The following MALRD1 variants were observed in gnomAD, a reference collection of about 807,000 sequenced individuals.
The protein encoded by MALRD1 is MAM and LDL receptor class A domain containing 1, also known as MAM and LDL-receptor class A domain-containing protein 1.
A neutral mutation model predicts 242.1 loss-of-function variants in MALRD1; 247 were observed. The ratio of observed to expected loss-of-function variants is 1.02; its 90% confidence interval spans 0.92 to 1.13. The LOEUF is 1.13. Among genes scored for constraint, MALRD1 ranks in the 50% most tolerant of loss-of-function variants. The pLI, the probability that MALRD1 is intolerant of heterozygous loss-of-function variation, is 0.00. For missense variants in MALRD1, 2,989 were observed against 2,533.1 expected, an observed-to-expected ratio of 1.18 and a Z score of -3.86; for synonymous variants, 995 against 866.6, an observed-to-expected ratio of 1.15 and a Z score of -2.60.
chr10:19,633,594 CCAAATAG>C (rs1456858970), intron 36 of MALRD1: 1 of 152,036 alleles, frequency 6.6e-6, no homozygotes, highest in African/African-American at 2.4e-5. Flanking sequence ...AAAGATTTCC[CCAAATAG>C]TTTTGTCAGA....
Position 19,446,732 on chromosome 10 carries a change from A to G in MALRD1, c.4846-3575A>G, listed in dbSNP as rs1330162193. ...TTTGGAAAAAGGTTAAATTATGAGA[A>G]GAAAATAATTCTTCAATATCTCTAA... On this transcript the variant is annotated intron_variant, in intron 28 of 39. Coordinates refer to ENST00000454679, the MANE Select transcript of MALRD1 (RefSeq NM_001142308.3). Among the ~76,000 whole-genome samples, 3 of 152,340 alleles carry G rather than the reference A, an allele frequency of 2.0e-5. No individual in the cohort carries two copies. In the East Asian group the frequency reaches 5.8e-4, roughly 29 times the overall value.
intron 2 of MALRD1, among the ~76,000 whole-genome samples, chr10:19,080,598 A>C (rs1472090301): frequency 6.6e-6 from 1 of 151,984 alleles, no homozygotes; most frequent in East Asian, 1.9e-4. Flanking sequence ...CCTTCCTTAC[A>C]CCTTATACAA....
chr10:19,727,771 T>A (rs1193659947), intron 38 of MALRD1, among the ~76,000 whole-genome samples: 2 of 151,574 alleles, frequency 1.3e-5, no homozygotes, highest in Non-Finnish European at 2.9e-5. Context: ...ACATTGCATT[T>A]TTTTTTTTTT....
chr10:19,459,305 C>G (rs1012476662), intron 29 of MALRD1, among the ~76,000 whole-genome samples: 1 of 152,148 alleles, frequency 6.6e-6, no homozygotes, highest in Non-Finnish European at 1.5e-5. Flanking sequence ...ATAAAGTTGA[C>G]ACTAAACAAA....
intron 39 of MALRD1, 36 bp from the exon 40 acceptor site, chr10:19,734,119 TAA>T: frequency 6.7e-7 from 1 of 1,484,274 alleles, no homozygotes; most frequent in Non-Finnish European, 9.0e-7. Context: ...TCTTAATGCC[TAA>T]AATTCCACCC....
chr10:19,117,651 G>C (rs1169901612), intron 5 of MALRD1, among the ~76,000 whole-genome samples: 2 of 152,096 alleles, frequency 1.3e-5, no homozygotes, highest in Non-Finnish European at 2.9e-5. Flanking sequence ...CATTCCCTTA[G>C]TTGCATATGC....
intron 1 of MALRD1, chr10:19,051,821 C>T (rs1252453180): frequency 1.3e-5 from 2 of 151,712 alleles, no homozygotes; most frequent in African/African-American, 5.1e-5. Flanking sequence ...ACTTGGGAGG[C>T]TGAGGCAGGA....
intron 28 of MALRD1, among the ~76,000 whole-genome samples, chr10:19,413,228 CTAAA>C (rs1404367211): frequency 6.6e-6 from 1 of 152,080 alleles, no homozygotes; most frequent in Non-Finnish European, 1.5e-5. Context: ...CGAAAAACTA[CTAAA>C]TAGTTTTGAG....
At chr10:19,701,171 T>A (rs956837345) in intron 38 of MALRD1, among the ~76,000 whole-genome samples, 4 of 151,726 alleles carry the variant, frequency 2.6e-5, no homozygotes, top group African/African-American at 9.7e-5. Flanking sequence ...ATAAAATAAA[T>A]TAAAAAGAGA....
chr10:19,188,555 T>A (rs1443001214), intron 14 of MALRD1, among the ~76,000 whole-genome samples: 1 of 152,194 alleles, frequency 6.6e-6, no homozygotes, highest in Non-Finnish European at 1.5e-5. Context: ...GTGATCTTTT[T>A]TTGTCTGTGT....
intron 36 of MALRD1, among the ~76,000 whole-genome samples, chr10:19,652,080 C>T (rs1840921344): frequency 6.6e-6 from 1 of 152,092 alleles, no homozygotes. Context: ...CCAACAGGGC[C>T]AGCGAGGGTG....
intron 36 of MALRD1, among the ~76,000 whole-genome samples, chr10:19,636,540 A>T (rs1451880665): frequency 1.3e-5 from 2 of 152,162 alleles, no homozygotes; most frequent in African/African-American, 4.8e-5. Context: ...CCTCAAAATA[A>T]ATATGTATAG....
chr10:19,597,628 T>C (rs1448462650), intron 34 of MALRD1, among the ~76,000 whole-genome samples: 1 of 152,176 alleles, frequency 6.6e-6, no homozygotes, highest in Admixed American at 6.6e-5. Context: ...TGATGCCACA[T>C]ATTATGTTAC....
In MALRD1 at chr10:19,507,110, A is replaced by G. The variant is rs535074343; in HGVS notation, c.5320+8464A>G. Among the ~76,000 whole-genome samples, 318 of 152,178 alleles carry G rather than the reference A, an allele frequency of 2.1e-3. 2 individuals carry two copies. Among genetic ancestry groups the G allele is most frequent in the African/African-American group, 6.3e-3 (261 of 41,524 alleles). ...AGGTGCCACACACTTTTAACTGACC[A>G]GGTCTCCAGAGAACTCACTCTCACA... On this transcript the variant is annotated intron_variant, in intron 31 of 39. Transcript: ENST00000454679.
At chr10:19,402,883 A>G (rs1846930829) in intron 28 of MALRD1, among the ~76,000 whole-genome samples, 1 of 152,130 alleles carries the variant, frequency 6.6e-6, no homozygotes, top group South Asian at 2.1e-4. Flanking sequence ...CTAGATCCAG[A>G]TTGAATATTT....
At chr10:19,593,720 T>C (rs1338773543) in intron 33 of MALRD1, among the ~76,000 whole-genome samples, 4 of 152,218 alleles carry the variant, frequency 2.6e-5, no homozygotes, top group Non-Finnish European at 5.9e-5. Context: ...ACAGTCAGCC[T>C]CTGCTTTAAG....
intron 38 of MALRD1, among the ~76,000 whole-genome samples, chr10:19,694,678 A>T (rs947222708): frequency 6.6e-6 from 1 of 152,202 alleles, no homozygotes; most frequent in Non-Finnish European, 1.5e-5. Flanking sequence ...TTCCTGAAGG[A>T]TCTAGAACTA....
intron 14 of MALRD1, among the ~76,000 whole-genome samples, chr10:19,189,325 C>A (rs556370047): frequency 6.6e-6 from 1 of 152,194 alleles, no homozygotes; most frequent in East Asian, 1.9e-4. Context: ...AAAAGATCTG[C>A]TAACAAAGTA....
Position 19,051,242 on chromosome 10 carries a change from G to A in MALRD1, c.199+2105G>A, listed in dbSNP as rs1834484018. Among the ~76,000 whole-genome samples the A allele has an allele frequency of 2.0e-5, 3 of 151,940 alleles. No individual in the cohort carries two copies. The South Asian group carries it at 6.2e-4, about 32-fold the overall frequency. ...GAAACTTGTGATGGCTAAACTTATA[G>A]ATTAGATTTTTTTAAAACTAGCTTT... On this transcript the variant is annotated intron_variant, in intron 1 of 39. Transcript: ENST00000454679.
Sources: gnomAD v4.1 joint callset for allele counts (sites outside exome capture counted in the v4.1 genomes callset) on GRCh38, gnomAD v4.1.1 for gene constraint, MANE v1.5 for transcripts, NCBI Gene and HGNC (gene_info 2026-07-23, HGNC 2026-07-21) for gene names.